The following LIPN variants were observed in gnomAD, a reference collection of about 807,000 sequenced individuals.
LIPN encodes lipase member N.
Under a neutral mutation model 43.7 loss-of-function variants are expected in LIPN, and 32 were observed. The ratio of observed to expected loss-of-function variants is 0.73; its 90% CI spans 0.55 to 0.98. The LOEUF is 0.98. LIPN is among the 50% of genes least tolerant of loss of function. The pLI is 0.00. For synonymous variants in LIPN, 156 were observed against 157.6 expected (o/e 0.99, Z 0.08); for missense variants, 505 against 483.8 (o/e 1.04, Z -0.41).
intron 3 of LIPN, among the ~76,000 whole-genome samples, chr10:88,763,230 A>T (rs557101861): frequency 1.3e-3 from 205 of 152,198 alleles, no homozygotes; most frequent in Middle Eastern, 3.4e-3. Flanking sequence ...TATAAGTCTC[A>T]TTTTAAGATA....
Position 88,771,607 on chromosome 10 carries a change from T to C in LIPN, c.819+616T>C, listed in dbSNP as rs544593444. 2.0e-5 allele frequency among the ~76,000 whole-genome samples: 3 copies of C among 151,970 alleles called. No homozygotes were observed. The South Asian group carries it at 6.2e-4, about 31-fold the overall frequency. On this transcript the variant is annotated intron_variant, in intron 7 of 9. Coordinates refer to ENST00000404459, the MANE Select transcript of LIPN (RefSeq NM_001102469.2). Reference sequence around the variant, plus strand: ...AAATGACATGATTTCATTCTTCTTATGGCTGTCTATATGTACCACATTTTA... The same window carrying C: ...AAATGACATGATTTCATTCTTCTTACGGCTGTCTATATGTACCACATTTTA...
chr10:88,763,106 C>A (rs778741373), intron 3 of LIPN, among the ~76,000 whole-genome samples: 54 of 151,996 alleles, frequency 3.6e-4, no homozygotes, highest in Admixed American at 9.8e-4. Context: ...TTCTCTCCCT[C>A]TTTTATCTCC....
upstream of LIPN, among the ~76,000 whole-genome samples, chr10:88,757,716 A>T (rs537646545): frequency 2.8e-4 from 43 of 152,306 alleles, no homozygotes; most frequent in African/African-American, 9.4e-4. Flanking sequence ...GAACATTCCC[A>T]ACTTCGCTTT....
chr10:88,775,050 T>G lies in LIPN; in HGVS notation c.892-42T>G, dbSNP rs1158252138. On this transcript the variant is annotated intron_variant, in intron 8 of 9. Transcript: ENST00000404459. The stretch of plus-strand genomic sequence containing the variant: ...AAAATTTGCTGTTAGCTTTCATGAT[T>G]CTTACCCTAACTATTCTTTTTCTAA... 6 of 1,359,960 alleles carry G rather than the reference T, an allele frequency of 4.4e-6. No individual in the cohort carries two copies. The Admixed American group carries it at 1.2e-4, about 27-fold the overall frequency. 84.2% of individuals were successfully genotyped at this position (1,359,960 alleles called of 1,614,324 possible). A position where few individuals can be genotyped will look rare whatever the true frequency, so the allele number is the denominator to read the frequency against.
At position 88,777,990 on chromosome 10, in the gene LIPN, C is replaced by G. The variant is rs1256863786; in HGVS notation, c.964-19C>G. On this transcript the variant is annotated intron_variant, in intron 9 of 9. Transcript: ENST00000404459. Reference sequence around the variant, plus strand: ...TGAGGAGCTTCCTCTCATGAATGCCCTTGCTTTCTCTCCCACAGAGTCATC... The same window carrying G: ...TGAGGAGCTTCCTCTCATGAATGCCGTTGCTTTCTCTCCCACAGAGTCATC... 8 of 1,534,514 alleles carry G rather than the reference C, an allele frequency of 5.2e-6. No homozygotes were observed. The highest frequency in any genetic ancestry group is 5.1e-5 in the Admixed American group (3 of 59,002).
intron 9 of LIPN, among the ~76,000 whole-genome samples, 172 bp downstream of exon 9, chr10:88,775,335 A>G (rs1843280502): frequency 6.6e-6 from 1 of 151,856 alleles, no homozygotes; most frequent in African/African-American, 2.4e-5. Context: ...TTATAAATTA[A>G]AGAAGCATAT....
chr10:88,777,161 G>A (rs1590184807), intron 9 of LIPN, among the ~76,000 whole-genome samples: 2 of 152,072 alleles, frequency 1.3e-5, no homozygotes, highest in East Asian at 3.9e-4. Flanking sequence ...CTTTTGAAAT[G>A]TGTTATGTTC....
rs1295290395 is a variant in LIPN, at chr10:88,774,518, G to C, written c.865G>C (p.Val289Leu). The change falls in exon 8 of 10, where the codon GTA becomes CTA. Residue 289 changes from valine to leucine, a missense_variant. Coordinates refer to ENST00000404459, the MANE Select transcript of LIPN (RefSeq NM_001102469.2). ...GTCACATGCTCCCACTGGTTCATCA[G>C]TACACAACATTCTGCATATAAAACA... ...YMSHAPTGSS[V>L]HNILHIKQLY... The C allele has an allele frequency of 6.2e-7, 1 of 1,610,852 alleles. No homozygotes were observed. The highest frequency in any genetic ancestry group is 1.3e-5 in the African/African-American group (1 of 74,722).
intron 7 of LIPN, among the ~76,000 whole-genome samples, chr10:88,772,268 T>A (rs1260551013): frequency 1.3e-5 from 2 of 151,922 alleles, no homozygotes; most frequent in African/African-American, 4.8e-5. Flanking sequence ...CTTGACGTAA[T>A]CTAATTTGTT....
Position 88,770,919 on chromosome 10 carries a change from T to G in LIPN, c.747T>G (p.Asn249Lys). 1 of 1,553,968 alleles carries G rather than the reference T, an allele frequency of 6.4e-7. No homozygotes were observed. The highest frequency in any genetic ancestry group is 8.7e-7 in the Non-Finnish European group (1 of 1,146,578). ...TAGCTTCTACCAAAATCTGCAACAA[T>G]AAGATACTCTGGTTGATATGTAGCG... ...TKIASTKICN[N>K]KILWLICSEF... The change falls in exon 7 of 10, where the codon AAT becomes AAG. Residue 249 changes from asparagine to lysine, a missense_variant. Physicochemically the swap from Asn to Lys is moderately conservative, Grantham distance 94. Coordinates refer to ENST00000404459, the MANE Select transcript of LIPN (RefSeq NM_001102469.2).
chr10:88,772,560 C>A (rs1386451658), intron 7 of LIPN, among the ~76,000 whole-genome samples: 16 of 151,842 alleles, frequency 1.1e-4, no homozygotes, highest in Non-Finnish European at 1.5e-4. Flanking sequence ...AATTAGTTGA[C>A]TATAAATGTG....
At chr10:88,767,397 T>C (rs1843120427) in intron 5 of LIPN, among the ~76,000 whole-genome samples, 2 of 151,646 alleles carry the variant, frequency 1.3e-5, no homozygotes, top group South Asian at 4.1e-4. Context: ...ATTCGTTATG[T>C]GTAGGGTCTT....
At chr10:88,775,915 T>C (rs1411283816) in intron 9 of LIPN, among the ~76,000 whole-genome samples, 1 of 152,076 alleles carries the variant, frequency 6.6e-6, no homozygotes, top group Non-Finnish European at 1.5e-5. Flanking sequence ...ATCAGACTAA[T>C]CAATTTCTCA....
rs1293795792 is a variant in LIPN at position 88,761,532 on chromosome 10, T to G, written c.108+19T>G. On this transcript the variant is annotated intron_variant, in intron 2 of 9. Coordinates refer to ENST00000404459, the MANE Select transcript of LIPN (RefSeq NM_001102469.2). ...GAATACTGTAAGTCATGGAAAACTG[T>G]GAAGAACATCAAATAAAGCAGGACT... 6.6e-7 allele frequency: 1 copy of G among 1,525,460 alleles called. No individual in the cohort carries two copies. The highest frequency in any genetic ancestry group is 9.1e-7 in the Non-Finnish European group (1 of 1,100,742). The allele number at this position is 1,525,460 out of a possible 1,614,324, so 94.5% of individuals were successfully genotyped here.
intron 7 of LIPN, among the ~76,000 whole-genome samples, chr10:88,771,853 T>A (rs1843214845): frequency 1.3e-5 from 2 of 151,882 alleles, no homozygotes; most frequent in East Asian, 3.9e-4. Flanking sequence ...GTTCCTGTAC[T>A]AATTTACATT....
chr10:88,775,152 C>T lies in LIPN; in HGVS notation c.952C>T (p.His318Tyr). ...GGGAAATGACGCTGATAATATGAAA[C>T]ATTACAATCAGGTGAGCTATTTACA... ...DWGNDADNMK[H>Y]YNQSHPPIYD... is the part of the protein sequence containing the mutation. The change falls in exon 9 of 10, where the codon CAT becomes TAT. Residue 318 changes from histidine to tyrosine, a missense_variant. By Grantham distance (83) the His-to-Tyr change is moderately conservative. Coordinates refer to ENST00000404459, the MANE Select transcript of LIPN (RefSeq NM_001102469.2). 3 of 1,542,112 alleles carry T rather than the reference C, an allele frequency of 1.9e-6. No homozygotes were observed. Among genetic ancestry groups the T allele is most frequent in the South Asian group, 1.2e-5 (1 of 83,568 alleles).
chr10:88,765,275 C>G (rs115028027), intron 4 of LIPN, among the ~76,000 whole-genome samples: 2,195 of 152,078 alleles, frequency 0.014, 51 homozygotes, highest in African/African-American at 0.05. Flanking sequence ...CTGCGATAGA[C>G]TTTTCTTTCT....
intron 9 of LIPN, among the ~76,000 whole-genome samples, chr10:88,775,600 C>A (rs1393667371): frequency 1.3e-5 from 2 of 151,624 alleles, no homozygotes; most frequent in African/African-American, 4.8e-5. Context: ...TTTTTAATAC[C>A]AACAGAAAAA....
chr10:88,767,777 G>A (rs1258116882), intron 5 of LIPN, among the ~76,000 whole-genome samples: 1 of 148,956 alleles, frequency 6.7e-6, no homozygotes, highest in Non-Finnish European at 1.5e-5. Context: ...TTTGGACAGA[G>A]CAATTTCTGT....
Sources: gnomAD v4.1 joint callset for allele counts (sites outside exome capture counted in the v4.1 genomes callset) on GRCh38, gnomAD v4.1.1 for gene constraint, MANE v1.5 for transcripts, NCBI Gene and HGNC (gene_info 2026-07-23, HGNC 2026-07-21) for gene names.